Variants in GAS2L3 observed in about 807,000 individuals in gnomAD.
GAS2L3 encodes the protein GAS2-like protein 3.
Under a neutral mutation model 37.0 loss-of-function variants are expected in GAS2L3, and 28 were observed. That is an observed-to-expected ratio of 0.76 (90% CI 0.56 to 1.04). The LOEUF (loss-of-function observed/expected upper bound fraction) is 1.04. Ranked by LOEUF, GAS2L3 falls within the 50% of genes least tolerant of loss-of-function variation. The pLI is 0.00. For synonymous variants in GAS2L3, 290 were observed against 296.6 expected (o/e 0.98, Z 0.23); for missense variants, 793 against 817.6 (o/e 0.97, Z 0.37).
chr12:100,613,770 A>G (rs891287008), intron 6 of GAS2L3, among the ~76,000 whole-genome samples: 1 of 151,740 alleles, frequency 6.6e-6, no homozygotes, highest in African/African-American at 2.4e-5. Context: ...AATTTTTTGT[A>G]TTTTTAGTAG....
At chr12:100,589,214 A>G (rs966939934) in intron 1 of GAS2L3, among the ~76,000 whole-genome samples, 2 of 152,194 alleles carry the variant, frequency 1.3e-5, no homozygotes, top group Non-Finnish European at 2.9e-5. Context: ...ACTTCCAGCA[A>G]CAATAAAAAT....
chr12:100,583,637 A>AT (rs1275811223), intron 1 of GAS2L3, among the ~76,000 whole-genome samples: 3 of 151,836 alleles, frequency 2.0e-5, no homozygotes, highest in African/African-American at 4.8e-5. Context: ...ATGCCGACTA[A>AT]TTTTTTTTGT....
chr12:100,575,792 A>G (rs2136358897), intron 1 of GAS2L3, among the ~76,000 whole-genome samples: 1 of 152,058 alleles, frequency 6.6e-6, no homozygotes, highest in African/African-American at 2.4e-5. Context: ...TCTCTATTTT[A>G]TAGGGGACAA....
Position 100,624,642 on chromosome 12 carries a change from C to G in GAS2L3, c.1837C>G (p.Leu613Val), listed in dbSNP as rs750567629. Reference protein sequence around the residue: ...SSLKSPGRTPLSIVSLPQSST... With the variant: ...SSLKSPGRTPVSIVSLPQSST... ...CTTGAAGTCTCCTGGCCGTACCCCA[C>G]TGTCCATCGTGAGCCTACCCCAGTC... The change falls in exon 10 of 10, where the codon CTG (leucine) becomes GTG (valine). Residue 613 changes from leucine to valine, a missense_variant. Physicochemically the swap from Leu to Val is conservative, Grantham distance 32. Transcript: ENST00000547754. 6.2e-6 allele frequency: 10 copies of G among 1,614,010 alleles called. No homozygotes were observed. Among genetic ancestry groups the G allele is most frequent in the African/African-American group, 1.3e-5 (1 of 74,944 alleles).
intron 5 of GAS2L3, among the ~76,000 whole-genome samples, chr12:100,604,898 T>A (rs1956038044): frequency 6.6e-6 from 1 of 152,144 alleles, no homozygotes; most frequent in Admixed American, 6.5e-5. Context: ...TGTATCACAC[T>A]GATTGATTTG....
chr12:100,579,303 C>T (rs1387594023), intron 1 of GAS2L3: 6 of 639,566 alleles, frequency 9.4e-6, no homozygotes, highest in Non-Finnish European at 1.7e-5. Context: ...GTTTCTTATA[C>T]TAGTAAGGAA....
chr12:100,606,363 T>A (rs1956057301), intron 5 of GAS2L3, among the ~76,000 whole-genome samples: 1 of 152,118 alleles, frequency 6.6e-6, no homozygotes, highest in South Asian at 2.1e-4. Flanking sequence ...CATTCCTATA[T>A]TTTCAGTCTA....
intron 1 of GAS2L3, among the ~76,000 whole-genome samples, chr12:100,584,127 A>G (rs543099406): frequency 1.3e-5 from 2 of 152,162 alleles, no homozygotes; most frequent in Non-Finnish European, 2.9e-5. Flanking sequence ...TCTATTTCCA[A>G]TAGCAACCCA....
At chr12:100,613,699 A>G (rs1956154056) in intron 6 of GAS2L3, among the ~76,000 whole-genome samples, 2 of 150,712 alleles carry the variant, frequency 1.3e-5, no homozygotes, top group East Asian at 2.0e-4. Flanking sequence ...GGTTCCCGCC[A>G]TTCTCCTGCC....
intron 1 of GAS2L3, among the ~76,000 whole-genome samples, chr12:100,588,054 A>T (rs1237741406): frequency 1.3e-5 from 2 of 152,290 alleles, no homozygotes; most frequent in South Asian, 2.1e-4. Flanking sequence ...TCCATCTCAA[A>T]AAAATAAAAT....
At chr12:100,578,833 C>A (rs1306853534) in intron 1 of GAS2L3, 5 of 696,260 alleles carry the variant, frequency 7.2e-6, no homozygotes, top group Non-Finnish European at 1.3e-5. Context: ...CACGTAGAAC[C>A]CATACCCATA....
At chr12:100,581,443 A>G (rs1955710627) in intron 1 of GAS2L3, among the ~76,000 whole-genome samples, 1 of 152,226 alleles carries the variant, frequency 6.6e-6, no homozygotes, top group Non-Finnish European at 1.5e-5. Flanking sequence ...AATCAAAATA[A>G]GGAGGCACTT....
Position 100,624,051 on chromosome 12 carries a change from ACTT to A in GAS2L3, c.1251_1253del (p.Ser418del). The A allele has an allele frequency of 6.2e-7, 1 of 1,614,042 alleles. No homozygotes were observed. On this transcript the variant is annotated inframe_deletion, in exon 10 of 10. Transcript: ENST00000547754. ...TTCATTAAATCCAGTAGGTAAAAACACTTCTTCACCAGCTTTACCAAGAACTGC... is the reference window on the plus strand; with the variant it reads ...TTCATTAAATCCAGTAGGTAAAAACACTTCACCAGCTTTACCAAGAACTGC...
intron 6 of GAS2L3, among the ~76,000 whole-genome samples, chr12:100,614,761 A>G (rs771376736): frequency 9.2e-5 from 14 of 152,166 alleles, no homozygotes; most frequent in Non-Finnish European, 8.8e-5. Context: ...GTTTCATATA[A>G]ATGGAATCAT....
rs1284753324 is a variant in GAS2L3, at chr12:100,625,291, A to G, written c.*401A>G. On this transcript the variant is annotated 3_prime_UTR_variant, in exon 10 of 10. Transcript: ENST00000547754. ...TAATATCAACGGTGGTGCTCTTACT[A>G]TTAGTTAATTGCATTTTGGTTAAAA... 1 of 154,040 alleles carries G rather than the reference A, an allele frequency of 6.5e-6. No homozygotes were observed. The highest frequency in any genetic ancestry group is 1.9e-4 in the East Asian group (1 of 5,194). 9.5% of individuals were successfully genotyped at this position (154,040 alleles called of 1,614,324 possible).
chr12:100,603,006 TTGTATATG>T (rs1956011984), intron 5 of GAS2L3, among the ~76,000 whole-genome samples: 1 of 152,174 alleles, frequency 6.6e-6, no homozygotes, highest in South Asian at 2.1e-4. Context: ...TGGTACTCCA[TTGTATATG>T]TGTGTCACAT....
At chr12:100,582,930 C>T (rs1045649329) in intron 1 of GAS2L3, among the ~76,000 whole-genome samples, 1 of 152,192 alleles carries the variant, frequency 6.6e-6, no homozygotes, top group African/African-American at 2.4e-5. Context: ...TGTAGCACCT[C>T]AGATCTCTCT....
intron 5 of GAS2L3, among the ~76,000 whole-genome samples, chr12:100,602,767 C>G (rs1280529708): frequency 2.0e-5 from 3 of 151,768 alleles, no homozygotes; most frequent in Admixed American, 2.0e-4. Context: ...TTTTTTGCAC[C>G]CTTAACCATC....
Position 100,618,576 on chromosome 12 carries a change from C to A in GAS2L3, c.637C>A (p.Leu213Ile). ...IPKSCCRHEE[L>I]HEAVKHIAED... ...AAAATCATGCTGTCGGCATGAAGAG[C>A]TACATGAAGCTGTAAGTAGTTGCCA... Residue 213 changes from leucine (L) to isoleucine (I), a missense_variant, in exon 8 of 10, where the codon CTA becomes ATA. Transcript: ENST00000547754. 6.2e-7 allele frequency: 1 copy of A among 1,608,644 alleles called. No homozygotes were observed. The highest frequency in any genetic ancestry group is 8.5e-7 in the Non-Finnish European group (1 of 1,178,126).
Sources: allele counts gnomAD v4.1 joint callset (sites outside exome capture counted in the v4.1 genomes callset), GRCh38; gene constraint gnomAD v4.1.1; transcripts MANE v1.5; gene names NCBI Gene and HGNC (gene_info 2026-07-23, HGNC 2026-07-21).